Variants in ZNF705G observed in about 807,000 individuals in gnomAD.
ZNF705G encodes putative zinc finger protein 705G.
A neutral mutation model predicts 19.6 loss-of-function variants in ZNF705G; 23 were observed. That is an observed-to-expected ratio of 1.17 (90% CI 0.84 to 1.66). ZNF705G has a LOEUF of 1.66. ZNF705G is among the 40% of genes most tolerant of loss of function. The pLI, the probability that ZNF705G is intolerant of heterozygous loss-of-function variation, is 0.00. For missense variants in ZNF705G, 457 were observed against 354.4 expected, an observed-to-expected ratio of 1.29 and a Z score of -2.32; for synonymous variants, 146 against 117.7, an observed-to-expected ratio of 1.24 and a Z score of -1.56.
rs528491088 is a variant in ZNF705G at position 7,380,630 on chromosome 8, C to T, written c.-72+822G>A. 4.0e-4 allele frequency among the ~76,000 whole-genome samples: 58 copies of T among 146,480 alleles called. 2 individuals are homozygous for T. The highest frequency in any genetic ancestry group is 3.0e-3 in the Admixed American group (45 of 15,184). ...TGTCTGCACATGCCATCTGGGGTCA[C>T]GAGAGTTGACCTGCTATGACTACTG... On this transcript the variant is annotated intron_variant, in intron 2 of 6. Coordinates refer to ENST00000400156, the MANE Select transcript of ZNF705G (RefSeq NM_001164457.3).
At chr8:7,384,915 C>T (rs1185911930) in intron 1 of ZNF705G, among the ~76,000 whole-genome samples, 2 of 146,304 alleles carry the variant, frequency 1.4e-5, no homozygotes, top group African/African-American at 5.6e-5. Flanking sequence ...GATATTTTCT[C>T]TGAGCAAGTC....
At position 7,365,412 on chromosome 8, in the gene ZNF705G, C is replaced by T. The variant is rs1277022974; in HGVS notation, c.-71-2395G>A. On this transcript the variant is annotated intron_variant, in intron 2 of 6. Coordinates refer to ENST00000400156, the MANE Select transcript of ZNF705G (RefSeq NM_001164457.3). ...TTTTTTTTTTTGGCGGAGTATCACTCTTGTTGCCCAGGCTGGAGTGCAGTG... is the reference window on the plus strand; with the variant it reads ...TTTTTTTTTTTGGCGGAGTATCACTTTTGTTGCCCAGGCTGGAGTGCAGTG... 1.5e-4 allele frequency among the ~76,000 whole-genome samples: 19 copies of T among 128,466 alleles called. 1 individual carries two copies. Among genetic ancestry groups the T allele is most frequent in the African/African-American group, 6.3e-4 (19 of 30,270 alleles). 84.3% of individuals were successfully genotyped at this position (128,466 alleles called of 152,430 possible).
chr8:7,360,362 A>C, intron 4 of ZNF705G, 30 bp from the exon 5 acceptor site: 1 of 1,586,904 alleles, frequency 6.3e-7, no homozygotes, highest in East Asian at 2.2e-5. Flanking sequence ...ATGTGTTTTG[A>C]GTTCACTGTC....
At position 7,356,522 on chromosome 8, in the gene ZNF705G, T is replaced by C. The variant is rs1806262713; in HGVS notation, c.*1454A>G. On this transcript the variant is annotated 3_prime_UTR_variant, in exon 7 of 7. Transcript: ENST00000400156. Reference sequence around the variant, plus strand: ...CAAGGTGTCTTTGATACAGCCTCCATTTCCCTGCTAAATCTATGCAATGAC... The same window carrying C: ...CAAGGTGTCTTTGATACAGCCTCCACTTCCCTGCTAAATCTATGCAATGAC... The C allele has an allele frequency of 6.7e-6, 1 of 149,858 alleles. No individual in the cohort carries two copies. The allele number at this position is 149,858 out of a possible 1,614,324, so 9.3% of individuals were successfully genotyped here. A position where few individuals can be genotyped will look rare whatever the true frequency, so the allele number is the denominator to read the frequency against.
chr8:7,384,501 G>A (rs1188394439), intron 1 of ZNF705G, among the ~76,000 whole-genome samples: 1 of 145,964 alleles, frequency 6.9e-6, no homozygotes, highest in Non-Finnish European at 1.5e-5. Context: ...AAATGCAAAT[G>A]AACCTAACCT....
intron 1 of ZNF705G, among the ~76,000 whole-genome samples, chr8:7,384,442 A>G (rs1347458349): frequency 6.9e-6 from 1 of 145,858 alleles, no homozygotes; most frequent in Non-Finnish European, 1.5e-5. Flanking sequence ...AAAGACATTT[A>G]TGCAGCCAAC....
At chr8:7,383,305 G>A (rs568695970) in intron 1 of ZNF705G, among the ~76,000 whole-genome samples, 5 of 147,234 alleles carry the variant, frequency 3.4e-5, no homozygotes, top group Admixed American at 2.6e-4. Context: ...AAGTATACAC[G>A]GTAAAACACT....
intron 5 of ZNF705G, 103 bp from the exon 6 acceptor site, chr8:7,359,804 T>C: frequency 6.6e-7 from 1 of 1,524,064 alleles, no homozygotes; most frequent in Non-Finnish European, 9.0e-7. Context: ...GACACGTAGA[T>C]GTGGCAAGTG....
intron 2 of ZNF705G, among the ~76,000 whole-genome samples, chr8:7,367,200 A>C (rs1182817536): frequency 6.7e-6 from 1 of 149,548 alleles, no homozygotes; most frequent in Non-Finnish European, 1.5e-5. Context: ...AATGATATAC[A>C]AGGCTTGTCT....
chr8:7,362,685 T>C (rs1201354003), intron 3 of ZNF705G, among the ~76,000 whole-genome samples: 2 of 149,458 alleles, frequency 1.3e-5, no homozygotes, highest in African/African-American at 5.1e-5. Context: ...ATATTAGAAA[T>C]TATATTGATA....
rs893077235 is a variant in ZNF705G, at chr8:7,356,961, C to T, written c.*1015G>A. The stretch of plus-strand genomic sequence containing the variant: ...TATGAATAGATATTTTCTCAAATTT[C>T]TGAATTATTTTGCTAAAGTATGTGT... On this transcript the variant is annotated 3_prime_UTR_variant, in exon 7 of 7. Transcript: ENST00000400156. The T allele has an allele frequency of 6.7e-6, 1 of 149,734 alleles. No individual in the cohort carries two copies. The highest frequency in any genetic ancestry group is 2.6e-5 in the African/African-American group (1 of 39,108). 9.3% of individuals were successfully genotyped at this position (149,734 alleles called of 1,614,324 possible).
At chr8:7,381,812 A>G (rs1269608924) in intron 1 of ZNF705G, among the ~76,000 whole-genome samples, 2 of 149,404 alleles carry the variant, frequency 1.3e-5, no homozygotes, top group African/African-American at 5.1e-5. Flanking sequence ...GGGTAATGAG[A>G]TCCATACTCC....
rs1208526114 is a variant in ZNF705G, at chr8:7,357,021, C to T, written c.*955G>A. 1.3e-5 allele frequency: 2 copies of T among 149,938 alleles called. No homozygotes were observed. The highest frequency in any genetic ancestry group is 2.9e-5 in the Non-Finnish European group (2 of 68,004). 9.3% of individuals were successfully genotyped at this position (149,938 alleles called of 1,614,324 possible). On this transcript the variant is annotated 3_prime_UTR_variant, in exon 7 of 7. Coordinates refer to ENST00000400156, the MANE Select transcript of ZNF705G (RefSeq NM_001164457.3). Reference sequence around the variant, plus strand: ...TTTCTAGGGGTCCAACTTCTTGACTCACTTTTCTGATGAGAAATCTATCAG... The same window carrying T: ...TTTCTAGGGGTCCAACTTCTTGACTTACTTTTCTGATGAGAAATCTATCAG...
At chr8:7,359,932 G>A (rs935007712) in intron 5 of ZNF705G, among the ~76,000 whole-genome samples, 1 of 149,390 alleles carries the variant, frequency 6.7e-6, no homozygotes, top group African/African-American at 2.6e-5. Context: ...TATCAGGCAG[G>A]TAAAAAGAGG....
chr8:7,380,121 G>T (rs1346857021), intron 2 of ZNF705G, among the ~76,000 whole-genome samples: 4 of 144,014 alleles, frequency 2.8e-5, no homozygotes, highest in Admixed American at 1.3e-4. Context: ...GCTGAAGCAG[G>T]CACTCTTCTC....
rs1806476483 is a variant in ZNF705G at position 7,359,622 on chromosome 8, T to G, written c.315A>C (p.Thr105=). The G allele has an allele frequency of 2.5e-6, 4 of 1,606,534 alleles. No homozygotes were observed. The highest frequency in any genetic ancestry group is 1.7e-5 in the Admixed American group (1 of 59,868). The change falls in exon 6 of 7, where the codon ACA becomes ACC. Residue 105 remains threonine (T), a synonymous_variant. Transcript: ENST00000400156. The stretch of plus-strand genomic sequence containing the variant: ...TGTACACAGCTATAAAACTTACCAT[T>G]GTCATACTGGTGGATGCGTCTTTTC... ...ITRKDASTSM[T]MENSLILEDP...
chr8:7,385,287 TG>T (rs1190084509), intron 1 of ZNF705G, among the ~76,000 whole-genome samples: 9 of 149,000 alleles, frequency 6.0e-5, no homozygotes, highest in Non-Finnish European at 1.3e-4. Context: ...GCATGAATTT[TG>T]GGGGAGAGAC....
intron 2 of ZNF705G, among the ~76,000 whole-genome samples, chr8:7,376,755 T>C (rs555348893): frequency 1.7e-4 from 26 of 150,314 alleles, no homozygotes; most frequent in African/African-American, 6.3e-4. Flanking sequence ...ATTAAACACA[T>C]AGGAATATTG....
At chr8:7,364,713 C>A (rs1440462144) in intron 2 of ZNF705G, among the ~76,000 whole-genome samples, 1 of 149,540 alleles carries the variant, frequency 6.7e-6, no homozygotes, top group East Asian at 1.9e-4. Context: ...CAGACTTCAA[C>A]AAGCACTTTT....
Sources: allele counts gnomAD v4.1 joint callset (sites outside exome capture counted in the v4.1 genomes callset), GRCh38; gene constraint gnomAD v4.1.1; transcripts MANE v1.5; gene names NCBI Gene and HGNC (gene_info 2026-07-23, HGNC 2026-07-21).